PLEKHG1: variants seen among roughly 807,000 people sequenced by gnomAD.
PLEKHG1 encodes pleckstrin homology domain-containing family G member 1.
Under a neutral mutation model 100.8 loss-of-function variants are expected in PLEKHG1, and 44 were observed. That is an observed-to-expected ratio of 0.44 (90% CI 0.34 to 0.56). The LOEUF (loss-of-function observed/expected upper bound fraction) is 0.56, where lower values mean the gene tolerates loss of function less well. PLEKHG1 is among the 20% of genes least tolerant of loss of function. The pLI, the probability that PLEKHG1 is intolerant of heterozygous loss-of-function variation, is 0.01. For missense variants in PLEKHG1, 1,545 were observed against 1,720.9 expected, an observed-to-expected ratio of 0.90 and a Z score of 1.81; for synonymous variants, 640 against 662.5, an observed-to-expected ratio of 0.97 and a Z score of 0.52.
chr6:150,761,496 G>A (rs771214082), intron 2 of PLEKHG1, among the ~76,000 whole-genome samples: 4 of 151,814 alleles, frequency 2.6e-5, no homozygotes, highest in South Asian at 2.1e-4. Flanking sequence ...TTGTAGAGAC[G>A]GGGTTTCAGG....
intron 12 of PLEKHG1, among the ~76,000 whole-genome samples, chr6:150,820,332 T>C (rs1363325091): frequency 6.6e-6 from 1 of 152,212 alleles, no homozygotes; most frequent in Non-Finnish European, 1.5e-5. Context: ...TTGCTGTTGC[T>C]AATGAAAAAT....
chr6:150,689,408 CAGTT>C (rs1240438570), intron 3 of PLEKHG1, among the ~76,000 whole-genome samples: 1 of 152,092 alleles, frequency 6.6e-6, no homozygotes, highest in Non-Finnish European at 1.5e-5. Flanking sequence ...TATTTCTTTT[CAGTT>C]AGTTCTTTAA....
exon 2 of PLEKHG1, chr6:150,733,674 T>G: frequency 6.2e-7 from 1 of 1,614,210 alleles, no homozygotes; most frequent in Middle Eastern, 1.6e-4. Context: ...CCTCAAGAAC[T>G]GAAGACAATG....
intron 2 of PLEKHG1, among the ~76,000 whole-genome samples, chr6:150,639,841 C>T (rs993024979): frequency 6.6e-6 from 1 of 152,220 alleles, no homozygotes; most frequent in African/African-American, 2.4e-5. Context: ...ATTATGGTTC[C>T]TGTTCAATTC....
At chr6:150,741,600 G>A (rs1202617438) in intron 2 of PLEKHG1, among the ~76,000 whole-genome samples, 1 of 152,190 alleles carries the variant, frequency 6.6e-6, no homozygotes, top group Non-Finnish European at 1.5e-5. Context: ...GTCCCATCAT[G>A]TGGGTACTAG....
intron 2 of PLEKHG1, chr6:150,638,171 A>G (rs1169612457): frequency 5.9e-5 from 9 of 152,108 alleles, no homozygotes; most frequent in East Asian, 1.9e-4. Context: ...TAGAATTTTT[A>G]TTTTCCAGCA....
intron 3 of PLEKHG1, among the ~76,000 whole-genome samples, chr6:150,674,053 T>C (rs1268793763): frequency 6.6e-6 from 1 of 152,132 alleles, no homozygotes. Context: ...TGTGTAGACA[T>C]GAGGAATTTA....
chr6:150,769,358 G>A lies in PLEKHG1; in HGVS notation c.512+620G>A, dbSNP rs143949154. The stretch of plus-strand genomic sequence containing the variant: ...GCACTTTGGTAGGCCGAGGTGGACA[G>A]ATCACTTGAGGTTAGGAGTTCGAGA... On this transcript the variant is annotated intron_variant, in intron 3 of 15. Transcript: ENST00000358517. Among the ~76,000 whole-genome samples the A allele has an allele frequency of 7.4e-3, 1,120 of 152,146 alleles. 16 individuals are homozygous for A. Among genetic ancestry groups the A allele is most frequent in the African/African-American group, 0.026 (1,065 of 41,500 alleles).
chr6:150,813,093 C>G (rs886447433), intron 10 of PLEKHG1, among the ~76,000 whole-genome samples: 1 of 151,950 alleles, frequency 6.6e-6, no homozygotes, highest in Non-Finnish European at 1.5e-5. Context: ...ATCACGAGGT[C>G]AGGAGATCAA....
rs111527255 is a variant in PLEKHG1 at position 150,826,183 on chromosome 6, C to T, written c.1470+2507C>T. On this transcript the variant is annotated intron_variant, in intron 14 of 15. Coordinates refer to ENST00000358517, the Ensembl canonical transcript of PLEKHG1. ...GGCAACAAGAGCAAAAAAGGCTGGG[C>T]GCGGTGGCTCACACCTGTAATCCCG... Among the ~76,000 whole-genome samples the T allele has an allele frequency of 2.7e-3, 413 of 151,874 alleles. 2 individuals carry two copies. The highest frequency in any genetic ancestry group is 9.3e-3 in the African/African-American group (387 of 41,440).
At chr6:150,787,837 G>A (rs1357287618) in intron 4 of PLEKHG1, among the ~76,000 whole-genome samples, 1 of 152,138 alleles carries the variant, frequency 6.6e-6, no homozygotes, top group Admixed American at 6.5e-5. Context: ...CATGTAAAGT[G>A]TGCACACACG....
intron 15 of PLEKHG1, among the ~76,000 whole-genome samples, chr6:150,835,095 C>T (rs907263997): frequency 6.6e-5 from 10 of 152,212 alleles, no homozygotes; most frequent in African/African-American, 1.7e-4. Flanking sequence ...CCTGCCGAAA[C>T]TCTCGAGCAT....
intron 2 of PLEKHG1, among the ~76,000 whole-genome samples, chr6:150,747,909 AAAGTT>A (rs1783254138): frequency 6.6e-6 from 1 of 152,168 alleles, no homozygotes. Context: ...AAAAAAAAAA[AAAGTT>A]AAGCATGCAG....
At chr6:150,820,444 G>T (rs1776231405) in intron 12 of PLEKHG1, among the ~76,000 whole-genome samples, 1 of 152,248 alleles carries the variant, frequency 6.6e-6, no homozygotes, top group Middle Eastern at 3.4e-3. Context: ...GTTCAGACAG[G>T]TTTGGGGTTT....
intron 3 of PLEKHG1, among the ~76,000 whole-genome samples, chr6:150,672,076 G>T (rs998632008): frequency 6.6e-6 from 1 of 152,146 alleles, no homozygotes; most frequent in Non-Finnish European, 1.5e-5. Context: ...TCAAGAGCTG[G>T]TGGTGGTCCC....
intron 2 of PLEKHG1, among the ~76,000 whole-genome samples, chr6:150,753,738 G>A (rs1218808697): frequency 2.0e-5 from 3 of 152,166 alleles, no homozygotes; most frequent in Non-Finnish European, 2.9e-5. Flanking sequence ...AGTTAAAAAC[G>A]AAATGCATAG....
At chr6:150,786,894 G>A (rs1785656212) in intron 4 of PLEKHG1, among the ~76,000 whole-genome samples, 1 of 151,994 alleles carries the variant, frequency 6.6e-6, no homozygotes, top group Non-Finnish European at 1.5e-5. Context: ...GCCAGGCGTG[G>A]TGGTGTGCCT....
intron 3 of PLEKHG1, among the ~76,000 whole-genome samples, chr6:150,710,589 A>T (rs1055845191): frequency 2.0e-5 from 3 of 152,160 alleles, no homozygotes; most frequent in Non-Finnish European, 4.4e-5. Flanking sequence ...CCCAGAGTGG[A>T]GAAGGAAAGT....
At chr6:150,661,237 A>T (rs1451643025) in intron 3 of PLEKHG1, among the ~76,000 whole-genome samples, 1 of 152,226 alleles carries the variant, frequency 6.6e-6, no homozygotes, top group Non-Finnish European at 1.5e-5. Flanking sequence ...ATTAGAATCC[A>T]CCAAAATATC....
Sources: allele counts gnomAD v4.1 joint callset (sites outside exome capture counted in the v4.1 genomes callset), GRCh38; gene constraint gnomAD v4.1.1; transcripts MANE v1.5; gene names NCBI Gene and HGNC (gene_info 2026-07-23, HGNC 2026-07-21).